Variants in NAALADL2 observed in about 807,000 individuals in gnomAD.
The protein encoded by NAALADL2 is inactive N-acetylated-alpha-linked acidic dipeptidase-like protein 2.
NAALADL2 carries 76 observed loss-of-function variants against 87.2 expected under a neutral mutation model. The observed-to-expected ratio is 0.87, with a 90% CI of 0.72 to 1.05. The LOEUF is 1.05. Among genes scored for constraint, NAALADL2 ranks in the 50% least tolerant of loss-of-function variants. The probability of loss-of-function intolerance (pLI) is 0.00; values close to 1 mark genes in which losing one functional copy is unlikely to be tolerated. For synonymous variants in NAALADL2, 354 were observed against 331.0 expected, an observed-to-expected ratio of 1.07 and a Z score of -0.75; for missense variants, 1,089 against 945.8, an observed-to-expected ratio of 1.15 and a Z score of -1.99.
intron 2 of NAALADL2, among the ~76,000 whole-genome samples, chr3:174,607,003 G>A (rs1300266268): frequency 6.6e-6 from 1 of 152,096 alleles, no homozygotes; most frequent in African/African-American, 2.4e-5. Context: ...GAGAGTGGGG[G>A]CCAATACTCA....
Position 175,014,841 on chromosome 3 carries a change from C to T in NAALADL2, c.44-81949C>T, listed in dbSNP as rs1355911011. Among the ~76,000 whole-genome samples, 3 of 152,190 alleles carry T rather than the reference C, an allele frequency of 2.0e-5. No homozygotes were observed. In the East Asian group the frequency reaches 5.8e-4, roughly 29 times the overall value. ...TTCTCTCTTTCTTTTCCTTCTCTCTCCCTCCCTTCATCCATCCTCCATTCC... is the reference window on the plus strand; with the variant it reads ...TTCTCTCTTTCTTTTCCTTCTCTCTTCCTCCCTTCATCCATCCTCCATTCC... On this transcript the variant is annotated intron_variant, in intron 1 of 13. Transcript: ENST00000454872.
At chr3:174,813,665 T>A (rs1199592152) in intron 3 of NAALADL2, among the ~76,000 whole-genome samples, 1 of 152,196 alleles carries the variant, frequency 6.6e-6, no homozygotes, top group Non-Finnish European at 1.5e-5. Flanking sequence ...TTGTTTTATT[T>A]TTTTCATAGA....
At chr3:174,851,980 A>G (rs1009946770) in intron 3 of NAALADL2, among the ~76,000 whole-genome samples, 3 of 152,148 alleles carry the variant, frequency 2.0e-5, no homozygotes, top group Non-Finnish European at 4.4e-5. Context: ...GAAAATCTAT[A>G]TGATCCTTTC....
chr3:175,612,230 G>A (rs1724743142), intron 10 of NAALADL2, among the ~76,000 whole-genome samples: 1 of 152,180 alleles, frequency 6.6e-6, no homozygotes, highest in African/African-American at 2.4e-5. Flanking sequence ...GGAGAAGAGG[G>A]AAGGACAGTT....
chr3:174,752,270 C>T (rs1734912749), intron 3 of NAALADL2, among the ~76,000 whole-genome samples: 1 of 152,126 alleles, frequency 6.6e-6, no homozygotes. Context: ...GCCACCGCGC[C>T]CGGCCCAGAT....
At chr3:175,254,488 A>G (rs1293646635) in intron 3 of NAALADL2, among the ~76,000 whole-genome samples, 1 of 152,194 alleles carries the variant, frequency 6.6e-6, no homozygotes, top group African/African-American at 2.4e-5. Context: ...TATGGAACTG[A>G]ACTTGCAATC....
Position 174,683,398 on chromosome 3 carries a change from A to G in NAALADL2, c.-114-54243A>G, listed in dbSNP as rs1430558624. Among the ~76,000 whole-genome samples, 6 of 152,162 alleles carry G rather than the reference A, an allele frequency of 3.9e-5. No individual in the cohort carries two copies. In the East Asian group the frequency reaches 1.2e-3, roughly 29 times the overall value. On this transcript the variant is annotated intron_variant, in intron 2 of 3. Transcript: ENST00000434257. Reference sequence around the variant, plus strand: ...AATTGAAATTGTACCACAGGTGAGAATGCCAAAATTAAACATAACCACTTT... The same window carrying G: ...AATTGAAATTGTACCACAGGTGAGAGTGCCAAAATTAAACATAACCACTTT...
At chr3:174,992,030 T>C (rs982759330) in intron 1 of NAALADL2, among the ~76,000 whole-genome samples, 2 of 152,038 alleles carry the variant, frequency 1.3e-5, no homozygotes, top group Admixed American at 6.6e-5. Flanking sequence ...AATAACTCCA[T>C]GATTTAAATG....
intron 1 of NAALADL2, among the ~76,000 whole-genome samples, chr3:174,891,873 C>T (rs1730902854): frequency 6.6e-6 from 1 of 151,972 alleles, no homozygotes; most frequent in South Asian, 2.1e-4. Flanking sequence ...GACAGCACAG[C>T]TCAAAGCTGC....
chr3:174,685,028 TC>T, intron 2 of NAALADL2, among the ~76,000 whole-genome samples: 1 of 152,058 alleles, frequency 6.6e-6, no homozygotes, highest in East Asian at 1.9e-4. Flanking sequence ...TTTTTAGGGA[TC>T]TTTTTTTATC....
chr3:174,672,598 T>A (rs1232132059), intron 2 of NAALADL2, among the ~76,000 whole-genome samples: 3 of 152,106 alleles, frequency 2.0e-5, no homozygotes, highest in Admixed American at 2.0e-4. Flanking sequence ...CGAAATACTT[T>A]CTAATGAGAA....
chr3:174,764,205 A>G (rs1305694523), intron 3 of NAALADL2, among the ~76,000 whole-genome samples: 2 of 152,226 alleles, frequency 1.3e-5, no homozygotes, highest in South Asian at 2.1e-4. Flanking sequence ...GAATGACCCA[A>G]TGATAATTAT....
intron 2 of NAALADL2, among the ~76,000 whole-genome samples, chr3:174,608,181 A>G (rs902432110): frequency 3.3e-5 from 5 of 151,872 alleles, no homozygotes; most frequent in African/African-American, 1.2e-4. Flanking sequence ...GTAGAGGGAA[A>G]TTTATAGCAC....
intron 10 of NAALADL2, among the ~76,000 whole-genome samples, chr3:175,588,171 A>ATATT (rs1720822928): frequency 6.6e-6 from 1 of 152,082 alleles, no homozygotes; most frequent in South Asian, 2.1e-4. Context: ...AAAAGTATGT[A>ATATT]TATTCTTTAA....
intron 11 of NAALADL2, among the ~76,000 whole-genome samples, chr3:175,690,764 A>G (rs879146355): frequency 2.0e-5 from 3 of 147,524 alleles, no homozygotes; most frequent in Non-Finnish European, 4.4e-5. Context: ...ATAATTAATT[A>G]CATTAATAAT....
At chr3:175,332,444 G>A (rs1761510564) in intron 5 of NAALADL2, among the ~76,000 whole-genome samples, 1 of 152,150 alleles carries the variant, frequency 6.6e-6, no homozygotes, top group African/African-American at 2.4e-5. Flanking sequence ...GGGACCAAAG[G>A]GATGTGCCAC....
intron 3 of NAALADL2, among the ~76,000 whole-genome samples, chr3:175,243,097 A>G (rs889388201): frequency 5.3e-5 from 7 of 131,882 alleles, no homozygotes; most frequent in South Asian, 2.4e-4. Context: ...ACACACACGC[A>G]CACACACACA....
intron 2 of NAALADL2, among the ~76,000 whole-genome samples, chr3:174,726,076 C>T (rs989693568): frequency 6.6e-6 from 1 of 152,150 alleles, no homozygotes; most frequent in African/African-American, 2.4e-5. Flanking sequence ...ATTGAAACTA[C>T]TCCCATTAAG....
At chr3:174,567,921 C>T (rs1380385629) in intron 2 of NAALADL2, among the ~76,000 whole-genome samples, 1 of 151,586 alleles carries the variant, frequency 6.6e-6, no homozygotes, top group Non-Finnish European at 1.5e-5. Flanking sequence ...GACTCTACCA[C>T]AGAAAGCAAA....
Sources: allele counts gnomAD v4.1 joint callset (sites outside exome capture counted in the v4.1 genomes callset), GRCh38; gene constraint gnomAD v4.1.1; transcripts MANE v1.5; gene names NCBI Gene and HGNC (gene_info 2026-07-23, HGNC 2026-07-21).